Variants in KCNK17 observed in about 807,000 individuals in gnomAD.
KCNK17 encodes the protein potassium two pore domain channel subfamily K member 17.
In KCNK17, 27 loss-of-function variants were observed where a neutral mutation model predicts 24.6. The ratio of observed to expected loss-of-function variants is 1.10; its 90% confidence interval spans 0.81 to 1.51. The LOEUF (loss-of-function observed/expected upper bound fraction) is 1.51, where lower values mean the gene tolerates loss of function less well. Among genes scored for constraint, KCNK17 ranks in the 40% most tolerant of loss-of-function variants. The pLI, the probability that KCNK17 is intolerant of heterozygous loss-of-function variation, is 0.00. For missense variants in KCNK17, 450 were observed against 436.6 expected (o/e 1.03, Z -0.27); for synonymous variants, 181 against 189.8 (o/e 0.95, Z 0.38).
chr6:39,314,310 G>T lies in KCNK17; in HGVS notation c.11C>A (p.Pro4Gln). ...GCCCTCGGGAGCCGCCCGGGCTCGC[G>T]GTCGGTACATAGCGGGAGAGGCGGG... MYR[P>Q]RARAAPEGRV... is the part of the protein sequence containing the mutation. The change falls in exon 1 of 5, where the codon CCG becomes CAG. Residue 4 changes from proline (P) to glutamine (Q), a missense_variant. Transcript: ENST00000373231. 2 of 1,459,404 alleles carry T rather than the reference G, an allele frequency of 1.4e-6. No individual in the cohort carries two copies. The highest frequency in any genetic ancestry group is 1.8e-6 in the Non-Finnish European group (2 of 1,109,826). The allele number at this position is 1,459,404 out of a possible 1,614,324, so 90.4% of individuals were successfully genotyped here.
chr6:39,314,408 T>A lies in KCNK17; in HGVS notation c.-88A>T. 1 of 965,354 alleles carries A rather than the reference T, an allele frequency of 1.0e-6. No individual in the cohort carries two copies. Among genetic ancestry groups the A allele is most frequent in the Non-Finnish European group, 1.4e-6 (1 of 693,562 alleles). 59.8% of individuals were successfully genotyped at this position (965,354 alleles called of 1,614,324 possible). ...CCAGGCGTCCAGCTCGTATCTCCTC[T>A]CGCAAACGCCTGCTGGTGCCCGGTT... On this transcript the variant is annotated 5_prime_UTR_variant, in exon 1 of 5. Transcript: ENST00000373231.
chr6:39,299,817 G>T, intron 4 of KCNK17, 80 bp from the exon 5 acceptor site: 1 of 1,436,550 alleles, frequency 7.0e-7, no homozygotes, highest in Non-Finnish European at 9.6e-7. Flanking sequence ...GAGATACATG[G>T]TTTGATTCAT....
Position 39,299,021 on chromosome 6 carries a change from T to A in KCNK17, c.*406A>T, listed in dbSNP as rs1761894121. ...AATAATGGTATTTTACATAAGATGT[T>A]TATTTCTCTCTCACATAAAGGAGGT... On this transcript the variant is annotated 3_prime_UTR_variant, in exon 5 of 5. Transcript: ENST00000373231. 1 of 180,816 alleles carries A rather than the reference T, an allele frequency of 5.5e-6. No homozygotes were observed. The highest frequency in any genetic ancestry group is 2.4e-5 in the African/African-American group (1 of 42,460). 11.2% of individuals were successfully genotyped at this position (180,816 alleles called of 1,614,324 possible).
chr6:39,300,142 A>G (rs1322883959), intron 4 of KCNK17, among the ~76,000 whole-genome samples: 1 of 151,570 alleles, frequency 6.6e-6, no homozygotes, highest in Non-Finnish European at 1.5e-5. Context: ...TTTGTTTTGG[A>G]GACAGAGTCT....
Position 39,299,112 on chromosome 6 carries a change from T to C in KCNK17, c.*315A>G, listed in dbSNP as rs1761896759. 3 of 362,946 alleles carry C rather than the reference T, an allele frequency of 8.3e-6. 1 individual carries two copies. The South Asian group carries it at 1.2e-4, about 14-fold the overall frequency. 22.5% of individuals were successfully genotyped at this position (362,946 alleles called of 1,614,324 possible). A position where few individuals can be genotyped will look rare whatever the true frequency, so the allele number is the denominator to read the frequency against. ...AGAGATCCAGACTCTTCCTATCTTA[T>C]TGTGCCGCTCAAACATTGCCGCTAC... On this transcript the variant is annotated 3_prime_UTR_variant, in exon 5 of 5. Transcript: ENST00000373231.
chr6:39,313,013 G>C (rs1259002923), intron 1 of KCNK17, among the ~76,000 whole-genome samples: 1 of 152,194 alleles, frequency 6.6e-6, no homozygotes, highest in African/African-American at 2.4e-5. Flanking sequence ...CACCTTCCGG[G>C]GATTGGCTTT....
chr6:39,304,469 C>A (rs1334288465), intron 3 of KCNK17, 26 bp downstream of exon 3: 1 of 1,598,680 alleles, frequency 6.3e-7, no homozygotes, highest in African/African-American at 1.3e-5. Flanking sequence ...GTGACCCATC[C>A]CCACCCCGTC....
At position 39,304,038 on chromosome 6, in the gene KCNK17, T is replaced by A. The variant is rs569798584; in HGVS notation, c.607A>T (p.Met203Leu). ...CCCTCTGTGTAGCTCCAGCCCTCCA[T>A]GTGGGAGAAGAGCAGCGGTGGCAGC... ...LLLPPLLFSH[M>L]EGWSYTEGFY... The change falls in exon 4 of 5, where the codon ATG becomes TTG. Residue 203 changes from methionine to leucine, a missense_variant. Coordinates refer to ENST00000373231, the MANE Select transcript of KCNK17 (RefSeq NM_031460.4). The A allele has an allele frequency of 6.8e-6, 11 of 1,613,786 alleles. No homozygotes were observed. In the Middle Eastern group the frequency reaches 5.0e-4, roughly 73 times the overall value.
intron 4 of KCNK17, among the ~76,000 whole-genome samples, chr6:39,303,029 T>C (rs1287229577): frequency 6.6e-6 from 1 of 152,220 alleles, no homozygotes; most frequent in East Asian, 1.9e-4. Flanking sequence ...GATTCACATC[T>C]TACTAGCTGT....
chr6:39,309,598 T>C (rs927717652), intron 2 of KCNK17, among the ~76,000 whole-genome samples: 2 of 152,108 alleles, frequency 1.3e-5, no homozygotes, highest in Admixed American at 1.3e-4. Flanking sequence ...AAACTCTGAA[T>C]TTGGTGGGCC....
chr6:39,304,521 C>A lies in KCNK17; in HGVS notation c.487G>T (p.Ala163Ser). Residue 163 changes from alanine to serine, a missense_variant, in exon 3 of 5, where the codon GCC becomes TCC. Transcript: ENST00000373231. ...TGCCAGGTGCCCCCCAGCCTGCTGG[C>A]CCAGTGGTTTACTCCCTGCTGCATG... Reference protein sequence around the residue: ...HLMQQGVNHWASRLGGTWQDP... With the variant: ...HLMQQGVNHWSSRLGGTWQDP... 1 of 1,613,958 alleles carries A rather than the reference C, an allele frequency of 6.2e-7. No individual in the cohort carries two copies. The highest frequency in any genetic ancestry group is 8.5e-7 in the Non-Finnish European group (1 of 1,179,826).
chr6:39,311,136 A>C, intron 1 of KCNK17, 129 bp from the exon 2 acceptor site: 1 of 579,264 alleles, frequency 1.7e-6, no homozygotes, highest in Non-Finnish European at 3.1e-6. Context: ...ACCTACACAC[A>C]CAGCCCTCAC....
chr6:39,314,322 G>A lies in KCNK17; in HGVS notation c.-2C>T. 2 of 1,413,894 alleles carry A rather than the reference G, an allele frequency of 1.4e-6. No homozygotes were observed. Among genetic ancestry groups the A allele is most frequent in the Non-Finnish European group, 1.8e-6 (2 of 1,087,788 alleles). The allele number at this position is 1,413,894 out of a possible 1,614,324, so 87.6% of individuals were successfully genotyped here. On this transcript the variant is annotated 5_prime_UTR_variant, in exon 1 of 5. Coordinates refer to ENST00000373231, the MANE Select transcript of KCNK17 (RefSeq NM_031460.4). The stretch of plus-strand genomic sequence containing the variant: ...CGCCCGGGCTCGCGGTCGGTACATA[G>A]CGGGAGAGGCGGGGAGCCGGCGCCG...
Position 39,304,554 on chromosome 6 carries a change from C to T in KCNK17, c.454G>A (p.Gly152Arg). ...PLNLVVLNRLGHLMQQGVNHW... is the reference protein window; with the variant it reads ...PLNLVVLNRLRHLMQQGVNHW... ...TTTACTCCCTGCTGCATGAGATGCCCCAGTCGGTTGAGCACCACGAGGTTG... is the reference window on the plus strand; with the variant it reads ...TTTACTCCCTGCTGCATGAGATGCCTCAGTCGGTTGAGCACCACGAGGTTG... The change falls in exon 3 of 5, where the codon GGG (glycine) becomes AGG (arginine). Residue 152 changes from glycine (G) to arginine (R), a missense_variant. Gly to Arg is a moderately radical substitution (Grantham distance 125, BLOSUM62 -2). Coordinates refer to ENST00000373231, the MANE Select transcript of KCNK17 (RefSeq NM_031460.4). The T allele has an allele frequency of 6.2e-7, 1 of 1,614,160 alleles. No homozygotes were observed. The highest frequency in any genetic ancestry group is 8.5e-7 in the Non-Finnish European group (1 of 1,180,006).
intron 1 of KCNK17, among the ~76,000 whole-genome samples, chr6:39,313,533 C>A (rs1178965822): frequency 6.6e-6 from 1 of 152,220 alleles, no homozygotes; most frequent in Non-Finnish European, 1.5e-5. Flanking sequence ...CCCCAGGCTC[C>A]TACGGCCGCG....
intron 1 of KCNK17, among the ~76,000 whole-genome samples, chr6:39,313,691 G>A (rs1401694785): frequency 1.3e-5 from 2 of 152,104 alleles, no homozygotes; most frequent in Admixed American, 6.5e-5. Context: ...CCCCCAAGCA[G>A]GCTCAAACGC....
intron 2 of KCNK17, among the ~76,000 whole-genome samples, chr6:39,309,494 C>T (rs951242554): frequency 6.6e-6 from 1 of 152,170 alleles, no homozygotes; most frequent in Non-Finnish European, 1.5e-5. Context: ...TCTCTTTGCC[C>T]TCCTCACCCT....
intron 1 of KCNK17, among the ~76,000 whole-genome samples, chr6:39,312,658 A>G (rs9462523): frequency 0.018 from 2,751 of 152,338 alleles, 75 homozygotes; most frequent in African/African-American, 0.057. Flanking sequence ...GAATACGGGT[A>G]AAGTACCAGC....
At chr6:39,305,116 T>TG (rs1399992515) in intron 2 of KCNK17, among the ~76,000 whole-genome samples, 1 of 152,192 alleles carries the variant, frequency 6.6e-6, no homozygotes, top group Admixed American at 6.5e-5. Context: ...TTGGGCACAG[T>TG]GGGGCACTGA....
Sources: gnomAD v4.1 joint callset for allele counts (sites outside exome capture counted in the v4.1 genomes callset) on GRCh38, gnomAD v4.1.1 for gene constraint, MANE v1.5 for transcripts, NCBI Gene and HGNC (gene_info 2026-07-23, HGNC 2026-07-21) for gene names.